The following ANPEP variants were observed in gnomAD, a reference collection of about 807,000 sequenced individuals.
ANPEP encodes the protein alanyl aminopeptidase, membrane.
A neutral mutation model predicts 114.6 loss-of-function variants in ANPEP; 70 were observed. The observed-to-expected ratio is 0.61, with a 90% CI of 0.50 to 0.75. The LOEUF is 0.75. Ranked by LOEUF, ANPEP falls within the 30% of genes least tolerant of loss-of-function variation. The probability of loss-of-function intolerance (pLI) is 0.00; values close to 1 mark genes in which losing one functional copy is unlikely to be tolerated. For synonymous variants in ANPEP, 548 were observed against 522.3 expected (o/e 1.05, Z -0.67); for missense variants, 1,184 against 1,259.5 (o/e 0.94, Z 0.91).
In ANPEP at chr15:89,803,331, G is replaced by C; in HGVS notation, c.1504-27C>G. 1 of 1,613,838 alleles carries C rather than the reference G, an allele frequency of 6.2e-7. No homozygotes were observed. The highest frequency in any genetic ancestry group is 8.5e-7 in the Non-Finnish European group (1 of 1,179,714). ...TGTGGAAAGACGGGGCACAGTGAGAGCACAGCTGGAGCCCCCCAGGCTCCC... is the reference window on the plus strand; with the variant it reads ...TGTGGAAAGACGGGGCACAGTGAGACCACAGCTGGAGCCCCCCAGGCTCCC... On this transcript the variant is annotated intron_variant, in intron 9 of 20. Coordinates refer to ENST00000300060, the MANE Select transcript of ANPEP (RefSeq NM_001150.3). The surrounding 1 kb of genome is among the most constrained non-coding windows in gnomAD (Gnocchi z 4.2).
In ANPEP at chr15:89,804,410, G is replaced by A. The variant is rs750788731; in HGVS notation, c.1025-3C>T. On this transcript the variant is annotated splice_region_variant and splice_polypyrimidine_tract_variant and intron_variant, in intron 5 of 20. Coordinates refer to ENST00000300060, the MANE Select transcript of ANPEP (RefSeq NM_001150.3). ...GAAGTCTGGCAGGCCAATCTGGTCT[G>A]GGGAGGCGATGCCATTGGCAGGATG... 7 of 1,614,208 alleles carry A rather than the reference G, an allele frequency of 4.3e-6. No individual in the cohort carries two copies. Among genetic ancestry groups the A allele is most frequent in the Admixed American group, 3.3e-5 (2 of 60,028 alleles).
At chr15:89,791,451 C>G (rs1262608217) in intron 18 of ANPEP, among the ~76,000 whole-genome samples, 13 of 151,748 alleles carry the variant, frequency 8.6e-5, no homozygotes, top group Non-Finnish European at 1.8e-4. Context: ...CTTTTCTTTT[C>G]TTTCGAGACG....
chr15:89,812,329 G>C (rs1022603641), intron 1 of ANPEP, among the ~76,000 whole-genome samples: 1 of 152,246 alleles, frequency 6.6e-6, no homozygotes, highest in Admixed American at 6.5e-5. Flanking sequence ...AGGGAGCAGT[G>C]AGCGAGAAGG....
chr15:89,813,574 G>A (rs1361154885), intron 1 of ANPEP, among the ~76,000 whole-genome samples: 2 of 152,104 alleles, frequency 1.3e-5, no homozygotes, highest in South Asian at 2.1e-4. Flanking sequence ...GGCCTCATGG[G>A]CCCAGCACAC....
Position 89,813,992 on chromosome 15 carries a change from G to GGGGGGC in ANPEP, c.-224+779_-224+780insGCCCCC, listed in dbSNP as rs1555442935. 4.8e-5 allele frequency among the ~76,000 whole-genome samples: 4 copies of GGGGGGC among 83,010 alleles called. 1 individual carries two copies. Among genetic ancestry groups the GGGGGGC allele is most frequent in the Non-Finnish European group, 8.4e-5 (4 of 47,872 alleles). 54.5% of individuals were successfully genotyped at this position (83,010 alleles called of 152,430 possible). A position where few individuals can be genotyped will look rare whatever the true frequency, so the allele number is the denominator to read the frequency against. ...GGCCGTCCCTGCCCACCGCACTGCT[G>GGGGGGC]GGGGGGGGGGGTGCGTTCTGGAGTC... On this transcript the variant is annotated intron_variant, in intron 1 of 20. Coordinates refer to ENST00000300060, the MANE Select transcript of ANPEP (RefSeq NM_001150.3).
chr15:89,798,636 C>CA (rs147807261), intron 14 of ANPEP, among the ~76,000 whole-genome samples: 9,738 of 138,530 alleles, frequency 0.07, 419 homozygotes, highest in Non-Finnish European at 0.1. Context: ...GACTCCATCT[C>CA]AAAAAAAAAA....
Position 89,803,792 on chromosome 15 carries a change from T to G in ANPEP, c.1294-2A>C. ...ATCATTCAGCACCATGAGGTCTTTC[T>G]GCAAATTCCCCAGGGCCATCAGGAG... On this transcript the variant is annotated splice_acceptor_variant, in intron 7 of 20. Coordinates refer to ENST00000300060, the MANE Select transcript of ANPEP (RefSeq NM_001150.3). LOFTEE classifies it high-confidence loss of function. This position sits in a 1 kb window ranked among gnomAD's most constrained non-coding sequence, Gnocchi z 4.2. 3 of 1,607,296 alleles carry G rather than the reference T, an allele frequency of 1.9e-6. No homozygotes were observed. Among genetic ancestry groups the G allele is most frequent in the Non-Finnish European group, 2.6e-6 (3 of 1,174,824 alleles).
chr15:89,799,133 A>G lies in ANPEP; in HGVS notation c.2009+127T>C. 1 of 1,059,548 alleles carries G rather than the reference A, an allele frequency of 9.4e-7. No individual in the cohort carries two copies. The highest frequency in any genetic ancestry group is 2.0e-5 in the Admixed American group (1 of 51,102). The allele number at this position is 1,059,548 out of a possible 1,614,324, so 65.6% of individuals were successfully genotyped here. Reference sequence around the variant, plus strand: ...ACCCAGGGAGGGACGTCCAGGGAGCACAGGAGCTCAGGGCACAGCACGTGG... The same window carrying G: ...ACCCAGGGAGGGACGTCCAGGGAGCGCAGGAGCTCAGGGCACAGCACGTGG... On this transcript the variant is annotated intron_variant, in intron 14 of 20. Transcript: ENST00000300060. The surrounding 1 kb of genome is among the most constrained non-coding windows in gnomAD (Gnocchi z 4.2).
rs1894706608 is a variant in ANPEP, at chr15:89,806,082, C to T, written c.502G>A (p.Gly168Ser). The T allele has an allele frequency of 1.9e-6, 3 of 1,614,036 alleles. No homozygotes were observed. The highest frequency in any genetic ancestry group is 2.5e-6 in the Non-Finnish European group (3 of 1,179,954). The change falls in exon 2 of 21, where the codon GGC (glycine) becomes AGC (serine). Residue 168 changes from glycine (G) to serine (S), a missense_variant. By Grantham distance (56) the Gly-to-Ser change is moderately conservative (BLOSUM62 0). Coordinates refer to ENST00000300060, the MANE Select transcript of ANPEP (RefSeq NM_001150.3). This position sits in a 1 kb window ranked among gnomAD's most constrained non-coding sequence, Gnocchi z 5.7. ...PTEYLVVHLK[G>S]SLVKDSQYEM... ...TACTGGCTGTCCTTCACCAGGGAGC[C>T]CTTGAGGTGCACCACCAGGTACTCG...
chr15:89,808,548 G>A (rs1894764895), intron 1 of ANPEP, among the ~76,000 whole-genome samples: 1 of 152,228 alleles, frequency 6.6e-6, no homozygotes, highest in Admixed American at 6.5e-5. Flanking sequence ...GAATGAGTCA[G>A]TCCAGGAGAA....
chr15:89,800,155 A>G (rs1278473110), intron 12 of ANPEP, among the ~76,000 whole-genome samples: 1 of 152,084 alleles, frequency 6.6e-6, no homozygotes, highest in East Asian at 1.9e-4. Flanking sequence ...CCTCTGCCCT[A>G]GCTACACTCA....
At position 89,806,823 on chromosome 15, in the gene ANPEP, G is replaced by C. The variant is rs1189167976; in HGVS notation, c.-223-17C>G. On this transcript the variant is annotated splice_polypyrimidine_tract_variant and intron_variant, in intron 1 of 20. Transcript: ENST00000300060. The surrounding 1 kb of genome is among the most constrained non-coding windows in gnomAD (Gnocchi z 5.7). ...GGGGGGTGCCTGCTGGAAGCAAACA[G>C]TGTCTGGTTACAGGCTGCAGGCGGC... 5.2e-6 allele frequency: 3 copies of C among 573,930 alleles called. No homozygotes were observed. The highest frequency in any genetic ancestry group is 8.8e-6 in the Non-Finnish European group (3 of 341,002). 35.6% of individuals were successfully genotyped at this position (573,930 alleles called of 1,614,324 possible).
chr15:89,801,789 C>T (rs1567159432), intron 10 of ANPEP, among the ~76,000 whole-genome samples, 182 bp from the exon 11 acceptor site: 1 of 152,220 alleles, frequency 6.6e-6, no homozygotes, highest in Non-Finnish European at 1.5e-5. Flanking sequence ...CTCGGCTGCT[C>T]AGTGCTGGAC....
At chr15:89,814,125 T>G (rs1894865549) in intron 1 of ANPEP, among the ~76,000 whole-genome samples, 1 of 151,600 alleles carries the variant, frequency 6.6e-6, no homozygotes, top group Admixed American at 6.6e-5. Context: ...AGGGAGGGCG[T>G]GGAATAGGCT....
At chr15:89,795,467 G>T (rs549810593) in intron 15 of ANPEP, among the ~76,000 whole-genome samples, 11 of 152,048 alleles carry the variant, frequency 7.2e-5, no homozygotes, top group African/African-American at 2.2e-4. Context: ...GATTGGAAAA[G>T]GTAGATGGAG....
rs776085831 is a variant in ANPEP at position 89,797,543 on chromosome 15, T to C, written c.2157+32A>G. The C allele has an allele frequency of 2.2e-5, 35 of 1,592,690 alleles. No individual in the cohort carries two copies. The East Asian group carries it at 3.4e-4, about 15-fold the overall frequency. On this transcript the variant is annotated intron_variant, in intron 15 of 20. Transcript: ENST00000300060. ...TGCACTTTCAGGCACTGGGGCGAAC[T>C]GGTTCTTGAACCCTACCATGCACCT...
Position 89,806,779 on chromosome 15 carries a change from G to T in ANPEP, c.-196C>A, listed in dbSNP as rs940153684. The T allele has an allele frequency of 2.3e-6, 2 of 873,028 alleles. No homozygotes were observed. The highest frequency in any genetic ancestry group is 3.4e-6 in the Non-Finnish European group (2 of 596,314). 54.1% of individuals were successfully genotyped at this position (873,028 alleles called of 1,614,324 possible). On this transcript the variant is annotated 5_prime_UTR_variant, in exon 2 of 21. Transcript: ENST00000300060. The surrounding 1 kb of genome is among the most constrained non-coding windows in gnomAD (Gnocchi z 5.7). ...GCCTGGGGAGAGGAGATCCAGGAAC[G>T]GTGTGTGGAGCTGGGCTCGGGGGGT... is the stretch of plus-strand genomic sequence containing the variant.
chr15:89,804,858 G>A (rs1227163338), intron 4 of ANPEP: 22 of 822,406 alleles, frequency 2.7e-5, no homozygotes, highest in African/African-American at 6.9e-5. Flanking sequence ...TCTGGTAACC[G>A]GTGGGTCAGG....
chr15:89,800,708 T>A (rs148529474), intron 12 of ANPEP, among the ~76,000 whole-genome samples: 20 of 151,984 alleles, frequency 1.3e-4, no homozygotes, highest in Non-Finnish European at 2.6e-4. Context: ...ATTACAGGCA[T>A]GCACCACCAC....
Sources: allele counts gnomAD v4.1 joint callset (sites outside exome capture counted in the v4.1 genomes callset), GRCh38; gene constraint gnomAD v4.1.1; non-coding constraint Gnocchi (gnomAD v3.1); transcripts MANE v1.5; gene names NCBI Gene and HGNC (gene_info 2026-07-23, HGNC 2026-07-21).